The following NLRP14 variants were observed in gnomAD, a reference collection of about 807,000 sequenced individuals.
NLRP14 encodes the protein NLR family pyrin domain containing 14, also known as NACHT, LRR and PYD domains-containing protein 14.
NLRP14 carries 105 observed loss-of-function variants against 94.7 expected under a neutral mutation model. That is an observed-to-expected ratio of 1.11 (90% CI 0.95 to 1.30). The LOEUF (loss-of-function observed/expected upper bound fraction) is 1.30. NLRP14 is among the 50% of genes most tolerant of loss of function. The pLI is 0.00. For synonymous variants in NLRP14, 508 were observed against 459.9 expected, an observed-to-expected ratio of 1.10 and a Z score of -1.34; for missense variants, 1,362 against 1,254.1, an observed-to-expected ratio of 1.09 and a Z score of -1.30.
chr11:7,068,984 A>G (rs538881935), intron 10 of NLRP14, among the ~76,000 whole-genome samples: 8 of 152,230 alleles, frequency 5.3e-5, no homozygotes, highest in African/African-American at 1.7e-4. Flanking sequence ...GTTAATTAAG[A>G]TTATTAGTTC....
In NLRP14 at chr11:7,043,949, G is replaced by A; in HGVS notation, c.1923G>A (p.Lys641=). 2.5e-6 allele frequency: 4 copies of A among 1,614,190 alleles called. No homozygotes were observed. The highest frequency in any genetic ancestry group is 3.4e-6 in the Non-Finnish European group (4 of 1,180,020). Reference sequence around the variant, plus strand: ...TGTCTGTAACTGTGGTATTTGAGAAGAAGATATTAAAAACAAGCCTCCCAA... The same window carrying A: ...TGTCTGTAACTGTGGTATTTGAGAAAAAGATATTAAAAACAAGCCTCCCAA... ...IRLSVTVVFE[K]KILKTSLPTN... is the part of the protein sequence containing the mutation. The change falls in exon 4 of 12, where the codon AAG becomes AAA. Residue 641 remains lysine, a synonymous_variant. Transcript: ENST00000299481.
intron 10 of NLRP14, 135 bp downstream of exon 10, chr11:7,062,638 A>C: frequency 1.3e-6 from 1 of 787,402 alleles, no homozygotes; most frequent in Non-Finnish European, 2.2e-6. Context: ...ATAAGAATCT[A>C]AATTTCAAAT....
chr11:7,048,881 T>A (rs7118931), intron 5 of NLRP14, among the ~76,000 whole-genome samples: 2 of 151,910 alleles, frequency 1.3e-5, no homozygotes, highest in African/African-American at 2.4e-5. Flanking sequence ...GGTCCCTTTT[T>A]CCTAATAAGT....
chr11:7,089,891 C>T, the NLRP14 span: 3 of 1,612,842 alleles, frequency 1.9e-6, no homozygotes, highest in Non-Finnish European at 2.5e-6. Context: ...TGAGAGGCTA[C>T]AGCGACCGAG....
chr11:7,068,994 C>T (rs1054801699), intron 10 of NLRP14, among the ~76,000 whole-genome samples: 2 of 152,104 alleles, frequency 1.3e-5, no homozygotes, highest in Non-Finnish European at 2.9e-5. Flanking sequence ...ATTATTAGTT[C>T]TGTTTATCTA....
intron 10 of NLRP14, among the ~76,000 whole-genome samples, chr11:7,068,217 T>C (rs1467655503): frequency 1.3e-5 from 2 of 152,166 alleles, no homozygotes; most frequent in East Asian, 3.8e-4. Context: ...ACATTCTATT[T>C]CATTAATTTC....
chr11:7,090,252 C>T, the NLRP14 span: 5 of 1,609,020 alleles, frequency 3.1e-6, no homozygotes, highest in East Asian at 2.2e-5. Context: ...GGGCGGAGGC[C>T]GTCTAGGAGG....
intron 9 of NLRP14, among the ~76,000 whole-genome samples, chr11:7,062,016 C>G (rs1253193924): frequency 1.3e-5 from 2 of 151,950 alleles, no homozygotes. Flanking sequence ...ACTGAAAGCA[C>G]AGAGATCTAT....
chr11:7,053,210 A>C (rs895222127), intron 6 of NLRP14, among the ~76,000 whole-genome samples: 1 of 152,122 alleles, frequency 6.6e-6, no homozygotes, highest in African/African-American at 2.4e-5. Flanking sequence ...GATAAATTAT[A>C]AACTAATCTT....
At chr11:7,074,258 C>G (rs1312134775), downstream of NLRP14, among the ~76,000 whole-genome samples, 1 of 152,188 alleles carries the variant, frequency 6.6e-6, no homozygotes, top group African/African-American at 2.4e-5. Flanking sequence ...GTTACTGGTG[C>G]TGATATCCAC....
At chr11:7,027,642 A>G (rs889937921) in intron 1 of NLRP14, among the ~76,000 whole-genome samples, 1 of 152,018 alleles carries the variant, frequency 6.6e-6, no homozygotes, top group African/African-American at 2.4e-5. Context: ...TTTGAGCCAA[A>G]CTTCTTAGAA....
chr11:7,028,307 C>G (rs905254142), intron 1 of NLRP14, among the ~76,000 whole-genome samples: 1 of 152,112 alleles, frequency 6.6e-6, no homozygotes, highest in African/African-American at 2.4e-5. Flanking sequence ...GCCTTTGACT[C>G]CTTTCTTTTG....
At chr11:7,034,750 T>C (rs1378248722) in intron 1 of NLRP14, among the ~76,000 whole-genome samples, 2 of 152,216 alleles carry the variant, frequency 1.3e-5, no homozygotes, top group Non-Finnish European at 2.9e-5. Context: ...GTGATGAATA[T>C]TCTTTGCTGT....
the NLRP14 span, chr11:7,089,263 C>T: frequency 1.2e-6 from 2 of 1,610,202 alleles, no homozygotes; most frequent in Non-Finnish European, 1.7e-6. Context: ...ACCAACAAGT[C>T]GAGGGGCTTC....
At chr11:7,021,869 C>G (rs1028527544) in intron 1 of NLRP14, among the ~76,000 whole-genome samples, 3 of 150,844 alleles carry the variant, frequency 2.0e-5, no homozygotes, top group Non-Finnish European at 2.9e-5. Context: ...CCGGTAAGAA[C>G]GAACACTGGA....
At chr11:7,062,280 C>T (rs1337642022) in intron 9 of NLRP14, 53 bp from the exon 10 acceptor site, 7 of 1,497,746 alleles carry the variant, frequency 4.7e-6, no homozygotes, top group African/African-American at 1.4e-5. Flanking sequence ...TAGGAAGAAA[C>T]TTATTTAACC....
the NLRP14 span, chr11:7,090,300 G>A: frequency 6.3e-7 from 1 of 1,591,734 alleles, no homozygotes; most frequent in African/African-American, 1.3e-5. Flanking sequence ...CAGATACTAA[G>A]CAGGAACAGA....
rs1852795989 is a variant in NLRP14, at chr11:7,071,367, T to G, written c.*59T>G. ...ATATAAATACATACATACATAGATA[T>G]ATACCCAGACTTGGGTGCTTAGCTT... On this transcript the variant is annotated 3_prime_UTR_variant, in exon 12 of 12. Coordinates refer to ENST00000299481, the MANE Select transcript of NLRP14 (RefSeq NM_176822.4). The G allele has an allele frequency of 1.4e-6, 2 of 1,437,764 alleles. No individual in the cohort carries two copies. The highest frequency in any genetic ancestry group is 2.4e-5 in the South Asian group (2 of 83,580). The allele number at this position is 1,437,764 out of a possible 1,614,324, so 89.1% of individuals were successfully genotyped here. A position where few individuals can be genotyped will look rare whatever the true frequency, so the allele number is the denominator to read the frequency against.
At chr11:7,089,812 T>C in the NLRP14 span, 9 of 1,606,772 alleles carry the variant, frequency 5.6e-6, no homozygotes, top group Non-Finnish European at 5.1e-6. Flanking sequence ...CCCCGGGGTT[T>C]TGCCCCCTCG....
Sources: gnomAD v4.1 joint callset for allele counts (sites outside exome capture counted in the v4.1 genomes callset) on GRCh38, gnomAD v4.1.1 for gene constraint, MANE v1.5 for transcripts, NCBI Gene and HGNC (gene_info 2026-07-23, HGNC 2026-07-21) for gene names.